LINGO3: variants seen among roughly 807,000 people sequenced by gnomAD.
LINGO3 encodes the protein leucine rich repeat and Ig domain containing 3.
For missense variants in LINGO3, 750 were observed against 867.7 expected, an observed-to-expected ratio of 0.86 and a Z score of 1.70; for synonymous variants, 427 against 444.2, an observed-to-expected ratio of 0.96 and a Z score of 0.49.
At chr19:2,298,772 C>T in the LINGO3 span, among the ~76,000 whole-genome samples, 1 of 152,048 alleles carries the variant, frequency 6.6e-6, no homozygotes, top group Admixed American at 6.6e-5. Context: ...AACTCCTGAC[C>T]TCGTGATCCG....
the LINGO3 span, among the ~76,000 whole-genome samples, chr19:2,307,282 G>T: frequency 6.6e-6 from 1 of 152,196 alleles, no homozygotes; most frequent in Non-Finnish European, 1.5e-5. Flanking sequence ...CTCAGAACTG[G>T]GGGGGCCGGG....
At chr19:2,300,252 G>A in the LINGO3 span, among the ~76,000 whole-genome samples, 8 of 151,164 alleles carry the variant, frequency 5.3e-5, no homozygotes, top group Non-Finnish European at 1.0e-4. Context: ...GGCTGGTCTC[G>A]AACTCCTGAC....
chr19:2,306,495 A>G, the LINGO3 span, among the ~76,000 whole-genome samples: 1 of 152,030 alleles, frequency 6.6e-6, no homozygotes, highest in Non-Finnish European at 1.5e-5. Context: ...TTCTATTCCC[A>G]CTCAGCAAGG....
chr19:2,293,189 C>A (rs1245889478), upstream of LINGO3, among the ~76,000 whole-genome samples: 2 of 151,816 alleles, frequency 1.3e-5, no homozygotes, highest in Admixed American at 6.6e-5. Context: ...CTCAGCCTCC[C>A]GAGTAACTGG....
chr19:2,289,924 G>A (rs948364706), exon 1 of LINGO3: 1 of 1,288,722 alleles, frequency 7.8e-7, no homozygotes, highest in Non-Finnish European at 1.1e-6. Context: ...CTTCCCCTCC[G>A]GGAAATGCAT....
At chr19:2,298,521 C>T in the LINGO3 span, among the ~76,000 whole-genome samples, 2 of 148,318 alleles carry the variant, frequency 1.3e-5, no homozygotes, top group Non-Finnish European at 1.5e-5. Flanking sequence ...CATGAGCCAC[C>T]GTGCTGGGCC....
chr19:2,291,705 G>A, exon 1 of LINGO3: 1 of 1,340,202 alleles, frequency 7.5e-7, no homozygotes, highest in Non-Finnish European at 9.5e-7. Context: ...GGGCCGGGCA[G>A]CCTCCAGCCG....
At chr19:2,302,444 C>T in the LINGO3 span, among the ~76,000 whole-genome samples, 104 of 152,334 alleles carry the variant, frequency 6.8e-4, no homozygotes, top group South Asian at 1.0e-3. Flanking sequence ...ATAAACGTCA[C>T]GGAGGTCAGA....
chr19:2,304,180 A>G, the LINGO3 span, among the ~76,000 whole-genome samples: 265 of 152,374 alleles, frequency 1.7e-3, no homozygotes, highest in African/African-American at 6.0e-3. Context: ...ACAAGCACTT[A>G]AAAACAATGC....
downstream of LINGO3, among the ~76,000 whole-genome samples, chr19:2,289,020 G>T (rs1365531617): frequency 6.6e-6 from 1 of 151,766 alleles, no homozygotes; most frequent in African/African-American, 2.4e-5. Flanking sequence ...TCTGTGTTCT[G>T]GGTGTGAGCT....
chr19:2,300,724 C>A, the LINGO3 span, among the ~76,000 whole-genome samples: 2 of 152,194 alleles, frequency 1.3e-5, no homozygotes, highest in African/African-American at 4.8e-5. Flanking sequence ...CTCCGTCCCC[C>A]ACCCCGAACT....
At chr19:2,291,359 T>G in exon 1 of LINGO3, 1 of 1,613,360 alleles carries the variant, frequency 6.2e-7, no homozygotes, top group South Asian at 1.1e-5. Context: ...TCCAGCAGGA[T>G]TACCAGCTTG....
downstream of LINGO3, among the ~76,000 whole-genome samples, chr19:2,288,780 G>T (rs997492078): frequency 6.6e-6 from 1 of 152,198 alleles, no homozygotes; most frequent in African/African-American, 2.4e-5. This position sits in a 1 kb window ranked among gnomAD's most constrained non-coding sequence, Gnocchi z 6.5. Flanking sequence ...GAGATGCTCA[G>T]CTGAGCAGGC....
the LINGO3 span, among the ~76,000 whole-genome samples, chr19:2,303,568 C>T: frequency 0.12 from 17,928 of 152,060 alleles, 1,356 homozygotes; most frequent in East Asian, 0.21. Flanking sequence ...GGGAGGTGTC[C>T]GGACTTGCAT....
chr19:2,297,503 C>T, the LINGO3 span, among the ~76,000 whole-genome samples: 1 of 151,314 alleles, frequency 6.6e-6, no homozygotes, highest in Non-Finnish European at 1.5e-5. Context: ...CGGGATTTCA[C>T]CACGTTGGCC....
downstream of LINGO3, among the ~76,000 whole-genome samples, chr19:2,288,931 C>A (rs2025489472): frequency 1.3e-5 from 2 of 148,978 alleles, no homozygotes; most frequent in South Asian, 4.3e-4. This position sits in a 1 kb window ranked among gnomAD's most constrained non-coding sequence, Gnocchi z 6.5. Context: ...AGCTCTGGTG[C>A]CCAGGGCTTG....
exon 1 of LINGO3, chr19:2,289,953 C>T (rs1283041304): frequency 1.4e-6 from 2 of 1,447,334 alleles, no homozygotes; most frequent in East Asian, 2.6e-5. Flanking sequence ...ACGCGAGCGG[C>T]CGGCCCGCGG....
chr19:2,296,976 C>T (rs1201527500), upstream of LINGO3, among the ~76,000 whole-genome samples: 1 of 151,612 alleles, frequency 6.6e-6, no homozygotes, highest in Non-Finnish European at 1.5e-5. Context: ...CCCGTAGTCC[C>T]AGCTACTCGG....
upstream of LINGO3, among the ~76,000 whole-genome samples, chr19:2,296,912 C>T (rs569250487): frequency 6.6e-5 from 10 of 151,622 alleles, no homozygotes; most frequent in Non-Finnish European, 1.2e-4. Context: ...CATGGTGAAA[C>T]CCCGTCTCTA....
Sources: allele counts gnomAD v4.1 joint callset (sites outside exome capture counted in the v4.1 genomes callset), GRCh38; gene constraint gnomAD v4.1.1; non-coding constraint Gnocchi (gnomAD v3.1); transcripts MANE v1.5; gene names NCBI Gene and HGNC (gene_info 2026-07-23, HGNC 2026-07-21).